CAT: variants seen among roughly 807,000 people sequenced by gnomAD.
CAT encodes the protein catalase.
A neutral mutation model predicts 59.0 loss-of-function variants in CAT; 43 were observed. The observed-to-expected ratio is 0.73, with a 90% confidence interval of 0.57 to 0.94. The LOEUF is 0.94. CAT is among the 40% of genes least tolerant of loss of function. The probability of loss-of-function intolerance (pLI) is 0.00; values close to 1 mark genes in which losing one functional copy is unlikely to be tolerated. For missense variants in CAT, 664 were observed against 682.9 expected (o/e 0.97, Z 0.31); for synonymous variants, 218 against 230.9 (o/e 0.94, Z 0.51).
intron 1 of CAT, among the ~76,000 whole-genome samples, chr11:34,448,047 G>A (rs577116173): frequency 6.6e-6 from 1 of 152,094 alleles, no homozygotes; most frequent in African/African-American, 2.4e-5. Flanking sequence ...CAAATTGCAC[G>A]GTCTCCTTTA....
At chr11:34,448,812 C>T (rs919465507) in intron 1 of CAT, among the ~76,000 whole-genome samples, 4 of 152,100 alleles carry the variant, frequency 2.6e-5, no homozygotes, top group African/African-American at 4.8e-5. Context: ...CCCTGGAGAC[C>T]GTCTTCTCAT....
chr11:34,441,927 A>G (rs917852530), intron 1 of CAT, among the ~76,000 whole-genome samples: 1 of 152,236 alleles, frequency 6.6e-6, no homozygotes, highest in Admixed American at 6.5e-5. Flanking sequence ...GTGTTATGAG[A>G]AACTGCTGAG....
chr11:34,471,165 G>C, intron 12 of CAT, 124 bp downstream of exon 12: 1 of 940,328 alleles, frequency 1.1e-6, no homozygotes, highest in Middle Eastern at 2.6e-4. Flanking sequence ...GATTTCTTAG[G>C]CAGCTGTGCA....
Position 34,438,991 on chromosome 11 carries a change from T to A in CAT, c.-23T>A, listed in dbSNP as rs780567690. 5.1e-6 allele frequency: 8 copies of A among 1,573,926 alleles called. No individual in the cohort carries two copies. The highest frequency in any genetic ancestry group is 1.2e-5 in the South Asian group (1 of 86,360). ...CCACGAGCCGAGGCCTCCTGCAGTG[T>A]TCTGCACAGCAAACCGCACGCTATG... On this transcript the variant is annotated 5_prime_UTR_variant, in exon 1 of 13. Coordinates refer to ENST00000241052, the MANE Select transcript of CAT (RefSeq NM_001752.4).
intron 10 of CAT, among the ~76,000 whole-genome samples, chr11:34,467,603 G>A (rs1052937525): frequency 6.6e-6 from 1 of 152,184 alleles, no homozygotes; most frequent in Non-Finnish European, 1.5e-5. Flanking sequence ...TTTGTTGAAT[G>A]AGTGGAATGA....
At chr11:34,471,069 G>A (rs1856768156) in intron 12 of CAT, 28 bp downstream of exon 12, 1 of 1,583,090 alleles carries the variant, frequency 6.3e-7, no homozygotes, top group African/African-American at 1.3e-5. Flanking sequence ...TGGCCATGCA[G>A]AGGCTGTGTG....
intron 1 of CAT, among the ~76,000 whole-genome samples, chr11:34,441,596 C>T (rs1288027254): frequency 1.3e-5 from 2 of 151,930 alleles, no homozygotes; most frequent in Non-Finnish European, 2.9e-5. Flanking sequence ...GGAGTTGAGA[C>T]CAGCCTAAGC....
rs745633145 is a variant in CAT, at chr11:34,471,395, G to A, written c.1546G>A (p.Gly516Arg). 2.7e-5 allele frequency: 44 copies of A among 1,613,808 alleles called. No individual in the cohort carries two copies. The highest frequency in any genetic ancestry group is 5.0e-5 in the Admixed American group (3 of 59,992). The part of the protein sequence containing the change: ...KNAIHTFVQS[G>R]SHLAAREKAN... The stretch of plus-strand genomic sequence containing the variant: ...TGCGATTCACACCTTTGTGCAGTCC[G>A]GATCTCACTTGGCGGCAAGGGAGAA... The change falls in exon 13 of 13, where the codon GGA becomes AGA. Residue 516 changes from glycine (G) to arginine (R), a missense_variant. Physicochemically the swap from Gly to Arg is moderately radical, Grantham distance 125. Transcript: ENST00000241052.
rs532166250 is a variant in CAT, at chr11:34,452,853, TAAAAAAA to T, written c.481-228_481-222del. 4.0e-3 allele frequency among the ~76,000 whole-genome samples: 555 copies of T among 137,302 alleles called. 2 individuals carry two copies. The highest frequency in any genetic ancestry group is 0.014 in the African/African-American group (521 of 37,566). The allele number at this position is 137,302 out of a possible 152,430, so 90.1% of individuals were successfully genotyped here. Reference sequence around the variant, plus strand: ...TGGGTGACAGAGTGAGACCCTGTCTTAAAAAAAAAAAAAAAGAAAAGACTATAGTTTT... The same window carrying T: ...TGGGTGACAGAGTGAGACCCTGTCTTAAAAAAAAGAAAAGACTATAGTTTT... On this transcript the variant is annotated intron_variant, in intron 4 of 12. Coordinates refer to ENST00000241052, the MANE Select transcript of CAT (RefSeq NM_001752.4).
At chr11:34,448,620 C>A (rs1000640473) in intron 1 of CAT, among the ~76,000 whole-genome samples, 10 of 152,126 alleles carry the variant, frequency 6.6e-5, no homozygotes, top group Middle Eastern at 3.4e-3. Context: ...TCCACCTTAC[C>A]AGTAACAGTT....
At position 34,470,993 on chromosome 11, in the gene CAT, G is replaced by C. The variant is rs137990458; in HGVS notation, c.1470G>C (p.Gly490=). 1.2e-5 allele frequency: 19 copies of C among 1,614,092 alleles called. No homozygotes were observed. The highest frequency in any genetic ancestry group is 1.5e-5 in the Non-Finnish European group (18 of 1,180,030). The change falls in exon 12 of 13, where the codon GGG becomes GGC. Residue 490 remains glycine (G), a synonymous_variant. Coordinates refer to ENST00000241052, the MANE Select transcript of CAT (RefSeq NM_001752.4). ...KNFTEVHPDY[G]SHIQALLDKY... ...TCACTGAGGTCCACCCTGACTACGG[G>C]AGCCACATCCAGGCTCTTCTGGACA...
At chr11:34,451,903 T>C (rs1437672625) in intron 3 of CAT, among the ~76,000 whole-genome samples, 174 bp from the exon 4 acceptor site, 1 of 152,244 alleles carries the variant, frequency 6.6e-6, no homozygotes, top group Admixed American at 6.5e-5. Context: ...TTTTGTTTGA[T>C]TTGTGGACTG....
chr11:34,451,146 C>CAAAAGGTGAAG, intron 3 of CAT, 48 bp downstream of exon 3: 1 of 1,067,880 alleles, frequency 9.4e-7, no homozygotes, highest in Non-Finnish European at 1.5e-6. Context: ...TCAACTTCAC[C>CAAAAGGTGAAG]TTTTGGGGAT....
chr11:34,451,455 A>G (rs966284695), intron 3 of CAT, among the ~76,000 whole-genome samples: 8 of 152,236 alleles, frequency 5.3e-5, no homozygotes, highest in South Asian at 2.1e-4. Context: ...AACTGTGGTT[A>G]GGTGCTTTAC....
intron 1 of CAT, among the ~76,000 whole-genome samples, chr11:34,440,934 G>A (rs1856383477): frequency 6.6e-6 from 1 of 152,184 alleles, no homozygotes; most frequent in Admixed American, 6.5e-5. Flanking sequence ...TGAAGTCCCT[G>A]CTGTTGATTT....
chr11:34,445,721 A>G (rs1452685762), intron 1 of CAT, among the ~76,000 whole-genome samples: 1 of 151,964 alleles, frequency 6.6e-6, no homozygotes, highest in Non-Finnish European at 1.5e-5. Context: ...GAGGTCTTAA[A>G]ATTATCCAGC....
chr11:34,457,843 C>T (rs1455762764), intron 8 of CAT, among the ~76,000 whole-genome samples: 2 of 152,216 alleles, frequency 1.3e-5, no homozygotes, highest in Admixed American at 1.3e-4. Context: ...AAGGTTACTT[C>T]TTATGTAAGT....
At chr11:34,469,958 G>A (rs997085517) in intron 11 of CAT, among the ~76,000 whole-genome samples, 19 of 152,106 alleles carry the variant, frequency 1.2e-4, no homozygotes, top group Non-Finnish European at 2.6e-4. Flanking sequence ...GAGCCACTGC[G>A]CCTGGCCTAG....
intron 8 of CAT, chr11:34,460,980 T>C (rs1297523070): frequency 4.1e-6 from 2 of 489,744 alleles, no homozygotes; most frequent in East Asian, 4.0e-5. Flanking sequence ...TAACTTGTTA[T>C]GCAGAAGGAA....
Sources: gnomAD v4.1 joint callset for allele counts (sites outside exome capture counted in the v4.1 genomes callset) on GRCh38, gnomAD v4.1.1 for gene constraint, MANE v1.5 for transcripts, NCBI Gene and HGNC (gene_info 2026-07-23, HGNC 2026-07-21) for gene names.